Variants in PLCG2 observed in about 807,000 individuals in gnomAD.
PLCG2 encodes the protein 1-phosphatidylinositol 4,5-bisphosphate phosphodiesterase gamma-2.
Under a neutral mutation model 175.6 loss-of-function variants are expected in PLCG2, and 69 were observed. The ratio of observed to expected loss-of-function variants is 0.39; its 90% confidence interval spans 0.32 to 0.48. The LOEUF (loss-of-function observed/expected upper bound fraction) is 0.48. PLCG2 is among the 20% of genes least tolerant of loss of function. The pLI is 0.91. For synonymous variants in PLCG2, 827 were observed against 624.0 expected, an observed-to-expected ratio of 1.33 and a Z score of -4.85; for missense variants, 1,798 against 1,650.9, an observed-to-expected ratio of 1.09 and a Z score of -1.54.
chr16:81,929,000 C>G (rs534559853), intron 24 of PLCG2, among the ~76,000 whole-genome samples: 1 of 152,334 alleles, frequency 6.6e-6, no homozygotes, highest in Non-Finnish European at 1.5e-5. Flanking sequence ...GGTTCTAAAC[C>G]CAGCTCTGCC....
intron 6 of PLCG2, among the ~76,000 whole-genome samples, chr16:81,870,508 C>G (rs75450273): frequency 6.6e-6 from 1 of 152,188 alleles, no homozygotes; most frequent in African/African-American, 2.4e-5. Flanking sequence ...TCTTGGAAAC[C>G]TGGCTGAGAC....
At position 81,895,791 on chromosome 16, in the gene PLCG2, G is replaced by A. The variant is rs767780675; in HGVS notation, c.1073-16G>A. ...GAACACACGTGGTATTGAGGCTGCC[G>A]CGTTTCTCCCTGTAGTGGACTGCTG... On this transcript the variant is annotated splice_polypyrimidine_tract_variant and intron_variant, in intron 12 of 32. Coordinates refer to ENST00000564138, the MANE Select transcript of PLCG2 (RefSeq NM_002661.5). The A allele has an allele frequency of 9.3e-6, 15 of 1,613,870 alleles. No individual in the cohort carries two copies. The highest frequency in any genetic ancestry group is 1.6e-4 in the Middle Eastern group (1 of 6,062).
chr16:81,883,427 C>T, intron 9 of PLCG2, 86 bp downstream of exon 9: 1 of 1,083,540 alleles, frequency 9.2e-7, no homozygotes, highest in South Asian at 1.3e-5. Context: ...CCTGTGCTCA[C>T]CTGGTCACCT....
chr16:81,825,176 C>G (rs551095744), intron 2 of PLCG2, among the ~76,000 whole-genome samples: 5 of 152,142 alleles, frequency 3.3e-5, no homozygotes, highest in East Asian at 3.8e-4. Context: ...TTGTTGTAAG[C>G]CACTAGGTTT....
At chr16:81,859,039 C>A (rs1196843937) in intron 4 of PLCG2, 77 bp from the exon 5 acceptor site, 1 of 874,130 alleles carries the variant, frequency 1.1e-6, no homozygotes, top group East Asian at 2.4e-5. Flanking sequence ...TGTGCACATT[C>A]CGTAGGACTC....
intron 31 of PLCG2, among the ~76,000 whole-genome samples, chr16:81,951,085 T>G (rs908608613): frequency 2.6e-5 from 4 of 152,190 alleles, no homozygotes; most frequent in African/African-American, 9.6e-5. Context: ...CCTCCTGGGC[T>G]CAAGTGATCT....
At chr16:81,931,753 G>A in intron 25 of PLCG2, 99 bp downstream of exon 25, 3 of 975,370 alleles carry the variant, frequency 3.1e-6, no homozygotes, top group Non-Finnish European at 4.7e-6. Context: ...GGATGAGCAG[G>A]CCCAGGTCCT....
rs1909165999 is a variant in PLCG2 at position 81,901,839 on chromosome 16, G to A, written c.1362+1059G>A. ...TTAATGAAGAAACCCATCTTTTAGT[G>A]TATTGCAAATATTTATTTAATATCT... On this transcript the variant is annotated intron_variant, in intron 14 of 32. Transcript: ENST00000564138. Among the ~76,000 whole-genome samples, 11 of 152,170 alleles carry A rather than the reference G, an allele frequency of 7.2e-5. 1 individual carries two copies. The highest frequency in any genetic ancestry group is 6.5e-4 in the Admixed American group (10 of 15,272).
intron 2 of PLCG2, among the ~76,000 whole-genome samples, chr16:81,768,429 T>A (rs1483163729): frequency 6.6e-6 from 1 of 152,138 alleles, no homozygotes; most frequent in African/African-American, 2.4e-5. Flanking sequence ...GTTTGCTGGG[T>A]CATATGGTAA....
chr16:81,936,719 C>T (rs770241564), intron 27 of PLCG2, among the ~76,000 whole-genome samples: 4 of 152,212 alleles, frequency 2.6e-5, no homozygotes, highest in African/African-American at 9.6e-5. Context: ...GGGCTTTCTG[C>T]TCAGACTTTC....
rs150956606 is a variant in PLCG2, at chr16:81,850,617, A to T, written c.194-3827A>T. On this transcript the variant is annotated intron_variant, in intron 2 of 32. Transcript: ENST00000564138. ...AGAGAAGCAGCACAAGAGAAAGAGA[A>T]TTCTCTTCCTGGCTCCCCGAAGACA... is the stretch of plus-strand genomic sequence containing the variant. Among the ~76,000 whole-genome samples, 1,124 of 152,290 alleles carry T rather than the reference A, an allele frequency of 7.4e-3. 49 individuals carry two copies. The highest frequency in any genetic ancestry group is 0.061 in the Admixed American group (931 of 15,296).
At chr16:81,938,152 T>TG (rs910887647) in intron 28 of PLCG2, among the ~76,000 whole-genome samples, 33 of 152,320 alleles carry the variant, frequency 2.2e-4, no homozygotes, top group Admixed American at 2.0e-3. Flanking sequence ...GGGTGAGGTA[T>TG]GACCCTATCT....
chr16:81,809,289 G>T (rs977731410), intron 2 of PLCG2, among the ~76,000 whole-genome samples: 1 of 152,120 alleles, frequency 6.6e-6, no homozygotes, highest in Non-Finnish European at 1.5e-5. Flanking sequence ...TGGGAGTGCT[G>T]GGGTGTTAGT....
chr16:81,931,591 G>T lies in PLCG2; in HGVS notation c.2676G>T (p.Arg892Ser). The T allele has an allele frequency of 6.2e-7, 1 of 1,614,096 alleles. No homozygotes were observed. Among genetic ancestry groups the T allele is most frequent in the Non-Finnish European group, 8.5e-7 (1 of 1,179,996 alleles). ...GDPPVEFATD[R>S]VEELFEWFQS... ...CTCCGGTGGAGTTTGCCACAGACAG[G>T]GTGGAGGAGCTCTTTGAGTGGTTTC... The change falls in exon 25 of 33, where the codon AGG becomes AGT. Residue 892 changes from arginine (R) to serine (S), a missense_variant. By Grantham distance (110) the Arg-to-Ser change is moderately radical. Coordinates refer to ENST00000564138, the MANE Select transcript of PLCG2 (RefSeq NM_002661.5).
chr16:81,841,496 C>A (rs544808000), intron 2 of PLCG2, among the ~76,000 whole-genome samples: 19 of 152,266 alleles, frequency 1.2e-4, no homozygotes, highest in African/African-American at 4.6e-4. Flanking sequence ...CCACTTCGGC[C>A]TCCCAAGGTG....
At chr16:81,796,857 G>C (rs931035340) in intron 2 of PLCG2, among the ~76,000 whole-genome samples, 4 of 152,212 alleles carry the variant, frequency 2.6e-5, no homozygotes, top group South Asian at 2.1e-4. Context: ...ACAAACTTCT[G>C]TTGTTTCGGC....
At position 81,956,471 on chromosome 16, in the gene PLCG2, C is replaced by A. The variant is rs372099919; in HGVS notation, c.3571-224C>A. On this transcript the variant is annotated intron_variant, in intron 31 of 32. Coordinates refer to ENST00000564138, the MANE Select transcript of PLCG2 (RefSeq NM_002661.5). ...ATTTCAATGTTTTGCAATAAATCAA[C>A]AGTGTAAAGACCAAGCACTTTTTAA... is the stretch of plus-strand genomic sequence containing the variant. 1.2e-4 allele frequency among the ~76,000 whole-genome samples: 19 copies of A among 152,312 alleles called. No individual in the cohort carries two copies. The East Asian group carries it at 2.3e-3, about 19-fold the overall frequency.
chr16:81,953,288 T>A (rs1447412946), intron 31 of PLCG2, among the ~76,000 whole-genome samples: 1 of 152,166 alleles, frequency 6.6e-6, no homozygotes, highest in African/African-American at 2.4e-5. Context: ...ATAAGATCTG[T>A]AGTTTTAGTA....
chr16:81,748,941 C>G (rs1341553849), intron 1 of PLCG2, among the ~76,000 whole-genome samples: 1 of 152,166 alleles, frequency 6.6e-6, no homozygotes, highest in African/African-American at 2.4e-5. Flanking sequence ...CTGGCTCCTT[C>G]CCTCCTGCAG....
Sources: gnomAD v4.1 joint callset for allele counts (sites outside exome capture counted in the v4.1 genomes callset) on GRCh38, gnomAD v4.1.1 for gene constraint, MANE v1.5 for transcripts, NCBI Gene and HGNC (gene_info 2026-07-23, HGNC 2026-07-21) for gene names.